The following GNA14 variants were observed in gnomAD, a reference collection of about 807,000 sequenced individuals.
The protein encoded by GNA14 is G protein subunit alpha 14, also known as guanine nucleotide-binding protein subunit alpha-14.
A neutral mutation model predicts 42.0 loss-of-function variants in GNA14; 50 were observed. The ratio of observed to expected loss-of-function variants is 1.19; its 90% CI spans 0.95 to 1.51. The LOEUF (loss-of-function observed/expected upper bound fraction) is 1.51, where lower values mean the gene tolerates loss of function less well. Ranked by LOEUF, GNA14 falls within the 40% of genes most tolerant of loss-of-function variation. The pLI, the probability that GNA14 is intolerant of heterozygous loss-of-function variation, is 0.00. For missense variants in GNA14, 473 were observed against 446.2 expected (o/e 1.06, Z -0.54); for synonymous variants, 173 against 163.1 (o/e 1.06, Z -0.46).
intron 2 of GNA14, among the ~76,000 whole-genome samples, chr9:77,520,860 C>T (rs1018364157): frequency 1.7e-4 from 26 of 152,192 alleles, no homozygotes; most frequent in African/African-American, 3.9e-4. Context: ...TAGGTGCATA[C>T]TCAGTTCTGA....
At chr9:77,596,894 A>G (rs1338111271) in intron 1 of GNA14, among the ~76,000 whole-genome samples, 3 of 152,180 alleles carry the variant, frequency 2.0e-5, no homozygotes, top group Middle Eastern at 3.4e-3. Flanking sequence ...AAACTGTCCC[A>G]CCTTTGCTTC....
chr9:77,540,646 G>A (rs1237777590), intron 1 of GNA14, among the ~76,000 whole-genome samples: 2 of 152,076 alleles, frequency 1.3e-5, no homozygotes, highest in South Asian at 2.1e-4. Flanking sequence ...ATGAATCTGA[G>A]TGCTCCAGTT....
intron 1 of GNA14, chr9:77,635,320 T>C (rs1036278918): frequency 3.3e-5 from 5 of 152,340 alleles, no homozygotes; most frequent in African/African-American, 1.2e-4. Context: ...ATGGTCACTA[T>C]TATGTTTTTA....
At chr9:77,487,149 T>C (rs558839162) in intron 2 of GNA14, among the ~76,000 whole-genome samples, 115 of 152,284 alleles carry the variant, frequency 7.6e-4, no homozygotes, top group African/African-American at 2.6e-3. Context: ...AGAGAGCATA[T>C]ACAGCATGAA....
At chr9:77,557,349 C>T (rs925691568) in intron 1 of GNA14, among the ~76,000 whole-genome samples, 1 of 152,182 alleles carries the variant, frequency 6.6e-6, no homozygotes, top group Non-Finnish European at 1.5e-5. Context: ...ATTTATTATT[C>T]CTACGAGCAA....
chr9:77,634,380 C>G (rs921135193), intron 1 of GNA14, among the ~76,000 whole-genome samples: 1 of 148,406 alleles, frequency 6.7e-6, no homozygotes, highest in African/African-American at 2.5e-5. Flanking sequence ...CCACTGCACT[C>G]CAGCCTAGGC....
At chr9:77,615,556 A>G (rs184279156) in intron 1 of GNA14, among the ~76,000 whole-genome samples, 1 of 152,262 alleles carries the variant, frequency 6.6e-6, no homozygotes, top group African/African-American at 2.4e-5. Context: ...AACCTCCATC[A>G]GAGCAGAATG....
intron 2 of GNA14, among the ~76,000 whole-genome samples, chr9:77,443,534 A>G (rs1243618058): frequency 2.6e-5 from 4 of 152,214 alleles, no homozygotes; most frequent in Non-Finnish European, 4.4e-5. Context: ...CCAATTCAAG[A>G]TTCAACAGAA....
chr9:77,435,784 A>G (rs144879595), intron 2 of GNA14, among the ~76,000 whole-genome samples: 17 of 152,162 alleles, frequency 1.1e-4, no homozygotes, highest in Non-Finnish European at 2.4e-4. Context: ...CTGCAGCCAC[A>G]ACATTTCCCC....
chr9:77,518,833 A>G (rs867878193), intron 2 of GNA14, among the ~76,000 whole-genome samples: 14 of 152,248 alleles, frequency 9.2e-5, no homozygotes, highest in South Asian at 2.1e-4. Flanking sequence ...ACTTCTAATT[A>G]CAGATGCCAT....
intron 2 of GNA14, among the ~76,000 whole-genome samples, chr9:77,521,382 G>A (rs1326374484): frequency 6.6e-6 from 1 of 152,076 alleles, no homozygotes; most frequent in African/African-American, 2.4e-5. Context: ...GAGGAAGTGG[G>A]ACAGAAAAAT....
chr9:77,519,827 T>C (rs938063336), intron 2 of GNA14, among the ~76,000 whole-genome samples: 1 of 152,054 alleles, frequency 6.6e-6, no homozygotes, highest in Non-Finnish European at 1.5e-5. Flanking sequence ...CTGGCCAACA[T>C]GGCGAAACCG....
chr9:77,482,587 T>A (rs913770060), intron 2 of GNA14, among the ~76,000 whole-genome samples: 3 of 152,180 alleles, frequency 2.0e-5, no homozygotes, highest in African/African-American at 7.2e-5. Context: ...ATTTCCTGAA[T>A]CTGAATGTTG....
intron 1 of GNA14, among the ~76,000 whole-genome samples, chr9:77,564,644 C>G (rs1378681912): frequency 6.6e-6 from 1 of 151,848 alleles, no homozygotes; most frequent in South Asian, 2.1e-4. Context: ...ACCAGCCTGG[C>G]CAATATGACA....
rs1196600917 is a variant in GNA14, at chr9:77,447,125, A to G, written c.310-12603T>C. 5.3e-5 allele frequency among the ~76,000 whole-genome samples: 8 copies of G among 152,166 alleles called. No individual in the cohort carries two copies. In the East Asian group the frequency reaches 1.5e-3, roughly 29 times the overall value. On this transcript the variant is annotated intron_variant, in intron 2 of 6. Coordinates refer to ENST00000341700, the MANE Select transcript of GNA14 (RefSeq NM_004297.4). ...ATTACAGGCACACACCACCACGCCG[A>G]GTAGAGATGGGGTTTCACCATGTTA...
chr9:77,493,018 A>ATATATATATATAT (rs1322242402), intron 2 of GNA14, among the ~76,000 whole-genome samples: 2 of 88,902 alleles, frequency 2.2e-5, no homozygotes, highest in African/African-American at 5.0e-5. Flanking sequence ...AAAAAAAAAA[A>ATATATATATATAT]AAAAAAAAAT....
chr9:77,525,129 T>C (rs1837414830), intron 2 of GNA14, among the ~76,000 whole-genome samples: 1 of 152,238 alleles, frequency 6.6e-6, no homozygotes, highest in African/African-American at 2.4e-5. Flanking sequence ...GAGTTTATAA[T>C]TGAGCCACAC....
At chr9:77,544,447 A>T (rs905617316) in intron 1 of GNA14, among the ~76,000 whole-genome samples, 2 of 152,148 alleles carry the variant, frequency 1.3e-5, no homozygotes, top group African/African-American at 2.4e-5. Context: ...TCACGCCTGT[A>T]ATCCCAGCAC....
In GNA14 at chr9:77,425,546, C is replaced by T; in HGVS notation, c.877+16G>A. 6.3e-7 allele frequency: 1 copy of T among 1,583,720 alleles called. No individual in the cohort carries two copies. The highest frequency in any genetic ancestry group is 8.6e-7 in the Non-Finnish European group (1 of 1,161,860). The stretch of plus-strand genomic sequence containing the variant: ...AGATCAGCACAGAAAACACTGTCCA[C>T]AAGATAGACACTTACCTGTGTATTC... On this transcript the variant is annotated intron_variant, in intron 6 of 6. Transcript: ENST00000341700.
Sources: allele counts gnomAD v4.1 joint callset (sites outside exome capture counted in the v4.1 genomes callset), GRCh38; gene constraint gnomAD v4.1.1; transcripts MANE v1.5; gene names NCBI Gene and HGNC (gene_info 2026-07-23, HGNC 2026-07-21).